Variants in NEDD4 observed in about 807,000 individuals in gnomAD.
NEDD4 encodes E3 ubiquitin-protein ligase NEDD4.
NEDD4 carries 99 observed loss-of-function variants against 144.9 expected under a neutral mutation model. The ratio of observed to expected loss-of-function variants is 0.68; its 90% CI spans 0.58 to 0.81. The LOEUF (loss-of-function observed/expected upper bound fraction) is 0.81, where lower values mean the gene tolerates loss of function less well. NEDD4 is among the 30% of genes least tolerant of loss of function. The pLI, the probability that NEDD4 is intolerant of heterozygous loss-of-function variation, is 0.00. For missense variants in NEDD4, 985 were observed against 1,065.9 expected (o/e 0.92, Z 1.06); for synonymous variants, 318 against 350.6 (o/e 0.91, Z 1.04).
intron 1 of NEDD4, among the ~76,000 whole-genome samples, chr15:55,990,147 C>T (rs774525206): frequency 6.6e-6 from 1 of 151,778 alleles, no homozygotes; most frequent in Non-Finnish European, 1.5e-5. Flanking sequence ...TTCTACATTA[C>T]GGTGAGCTGT....
intron 5 of NEDD4, among the ~76,000 whole-genome samples, chr15:55,888,365 G>A (rs1373854964): frequency 6.6e-6 from 1 of 151,942 alleles, no homozygotes; most frequent in East Asian, 1.9e-4. Flanking sequence ...AAATCAAGAA[G>A]GCAATCCTAT....
At chr15:55,947,870 C>T (rs1295623739) in intron 4 of NEDD4, among the ~76,000 whole-genome samples, 2 of 152,296 alleles carry the variant, frequency 1.3e-5, no homozygotes, top group Non-Finnish European at 1.5e-5. Flanking sequence ...AAACTGGAAG[C>T]ATTCCCTTTG....
rs369081212 is a variant in NEDD4 at position 55,940,297 on chromosome 15, G to A, written c.237+11079C>T. Among the ~76,000 whole-genome samples, 12 of 152,138 alleles carry A rather than the reference G, an allele frequency of 7.9e-5. No homozygotes were observed. In the East Asian group the frequency reaches 1.9e-3, roughly 24 times the overall value. Reference sequence around the variant, plus strand: ...GGAAACTTTTGGAGGTGATGGATATGTTTATGACTTTGATTGTGGTGATGG... The same window carrying A: ...GGAAACTTTTGGAGGTGATGGATATATTTATGACTTTGATTGTGGTGATGG... On this transcript the variant is annotated intron_variant, in intron 4 of 28. Coordinates refer to ENST00000435532, the MANE Select transcript of NEDD4 (RefSeq NM_006154.4).
At chr15:55,887,137 GAT>G (rs2035420288) in intron 5 of NEDD4, among the ~76,000 whole-genome samples, 1 of 151,498 alleles carries the variant, frequency 6.6e-6, no homozygotes, top group Admixed American at 6.6e-5. Context: ...GAATAAAAGA[GAT>G]AATAATGATC....
At chr15:55,850,363 T>C (rs569196363) in intron 14 of NEDD4, among the ~76,000 whole-genome samples, 179 bp downstream of exon 14, 12 of 152,200 alleles carry the variant, frequency 7.9e-5, no homozygotes, top group Middle Eastern at 3.4e-3. Context: ...CAAAACAATA[T>C]TAAAAAGACG....
chr15:55,900,929 G>C (rs1221148887), intron 5 of NEDD4, among the ~76,000 whole-genome samples: 1 of 152,132 alleles, frequency 6.6e-6, no homozygotes, highest in African/African-American at 2.4e-5. Flanking sequence ...TAAAGATCAA[G>C]AGTAAGATAA....
intron 5 of NEDD4, among the ~76,000 whole-genome samples, chr15:55,892,682 T>G (rs1315727203): frequency 6.6e-6 from 1 of 152,184 alleles, no homozygotes; most frequent in Non-Finnish European, 1.5e-5. Context: ...CCTCTGTCCT[T>G]GCAAAAGGTG....
Position 55,848,792 on chromosome 15 carries a change from T to G in NEDD4, c.1428+14A>C. The stretch of plus-strand genomic sequence containing the variant: ...ATAGCCAAGTTAGATGGGTTAGCAT[T>G]TCTATACACTTACAGGTAAAGGCCC... On this transcript the variant is annotated intron_variant, in intron 15 of 28. Transcript: ENST00000435532. 6.2e-7 allele frequency: 1 copy of G among 1,608,776 alleles called. No homozygotes were observed. The highest frequency in any genetic ancestry group is 8.5e-7 in the Non-Finnish European group (1 of 1,175,798).
At chr15:55,837,250 T>C (rs1179985005) in intron 24 of NEDD4, among the ~76,000 whole-genome samples, 1 of 151,900 alleles carries the variant, frequency 6.6e-6, no homozygotes, top group Non-Finnish European at 1.5e-5. Context: ...ACCAACATGG[T>C]GAAACCATGT....
At position 55,834,541 on chromosome 15, in the gene NEDD4, C is replaced by T. The variant is rs568071718; in HGVS notation, c.2263-255G>A. 2.6e-5 allele frequency among the ~76,000 whole-genome samples: 4 copies of T among 152,256 alleles called. No individual in the cohort carries two copies. The South Asian group carries it at 8.3e-4, about 32-fold the overall frequency. ...GACGCAGTGGCTCATTCTGTAATCC[C>T]AGCACTTTGGGAGGCTGGGTGGGCA... is the stretch of plus-strand genomic sequence containing the variant. On this transcript the variant is annotated intron_variant, in intron 24 of 28. Transcript: ENST00000435532.
intron 1 of NEDD4, among the ~76,000 whole-genome samples, chr15:55,973,384 C>T (rs192604582): frequency 6.7e-6 from 1 of 148,928 alleles, no homozygotes. Flanking sequence ...TAAAAACAAA[C>T]AAAAAAACAA....
At chr15:55,916,765 A>G in intron 5 of NEDD4, 1 of 1,613,826 alleles carries the variant, frequency 6.2e-7, no homozygotes, top group East Asian at 2.2e-5. Context: ...TCATCTCCGG[A>G]GGTTTCTGAC....
chr15:55,872,414 CCTT>C lies in NEDD4; in HGVS notation c.402_404del (p.Arg134del). On this transcript the variant is annotated inframe_deletion and splice_region_variant, in exon 7 of 29. Transcript: ENST00000435532. ...GCTATTATTATTTTATATTTACTGA[CCTT>C]CTTGGATGAAGAACAAAATCCTTAA... 3 of 1,409,540 alleles carry C rather than the reference CCTT, an allele frequency of 2.1e-6. No individual in the cohort carries two copies. Among genetic ancestry groups the C allele is most frequent in the Non-Finnish European group, 2.9e-6 (3 of 1,041,306 alleles). 87.3% of individuals were successfully genotyped at this position (1,409,540 alleles called of 1,614,324 possible).
intron 5 of NEDD4, among the ~76,000 whole-genome samples, chr15:55,876,106 A>G (rs528246786): frequency 6.6e-5 from 10 of 152,364 alleles, no homozygotes; most frequent in South Asian, 2.1e-4. Flanking sequence ...AATGATATCT[A>G]TAAGTGCTGA....
At chr15:55,838,232 A>G in intron 22 of NEDD4, 52 bp from the exon 23 acceptor site, 1 of 1,266,388 alleles carries the variant, frequency 7.9e-7, no homozygotes, top group Non-Finnish European at 1.1e-6. Flanking sequence ...AAAAATTTAA[A>G]AAGTATACAT....
At chr15:55,868,234 G>T (rs1451273589) in intron 8 of NEDD4, among the ~76,000 whole-genome samples, 2 of 152,130 alleles carry the variant, frequency 1.3e-5, no homozygotes, top group African/African-American at 4.8e-5. Flanking sequence ...CCTGGGGAAG[G>T]CCCTCAGCTT....
chr15:55,841,909 C>T (rs372824709), intron 19 of NEDD4, 25 bp downstream of exon 19: 96 of 1,572,014 alleles, frequency 6.1e-5, no homozygotes, highest in African/African-American at 4.9e-4. Context: ...CTTTTTCTGC[C>T]GATAATCATT....
At chr15:55,894,084 A>C (rs1028805288) in intron 5 of NEDD4, among the ~76,000 whole-genome samples, 17 of 152,078 alleles carry the variant, frequency 1.1e-4, no homozygotes, top group African/African-American at 4.1e-4. Context: ...TGGAAACTGG[A>C]TATCTTTGCA....
chr15:55,880,274 G>A (rs1467394548), intron 5 of NEDD4, among the ~76,000 whole-genome samples: 3 of 151,634 alleles, frequency 2.0e-5, no homozygotes, highest in Non-Finnish European at 2.9e-5. Flanking sequence ...TCTGGGTGAC[G>A]GAGTGAGACC....
Sources: allele counts gnomAD v4.1 joint callset (sites outside exome capture counted in the v4.1 genomes callset), GRCh38; gene constraint gnomAD v4.1.1; transcripts MANE v1.5; gene names NCBI Gene and HGNC (gene_info 2026-07-23, HGNC 2026-07-21).